PCCA: variants seen among roughly 807,000 people sequenced by gnomAD.
PCCA encodes the protein propionyl-CoA carboxylase alpha chain, mitochondrial.
A neutral mutation model predicts 101.3 loss-of-function variants in PCCA; 74 were observed. That is an observed-to-expected ratio of 0.73 (90% CI 0.61 to 0.89). The LOEUF (loss-of-function observed/expected upper bound fraction) is 0.89, where lower values mean the gene tolerates loss of function less well. Ranked by LOEUF, PCCA falls within the 40% of genes least tolerant of loss-of-function variation. The pLI, the probability that PCCA is intolerant of heterozygous loss-of-function variation, is 0.00. For synonymous variants in PCCA, 294 were observed against 313.6 expected (o/e 0.94, Z 0.66); for missense variants, 891 against 907.0 (o/e 0.98, Z 0.23).
At chr13:100,249,015 A>C (rs1486868645) in intron 8 of PCCA, among the ~76,000 whole-genome samples, 2 of 152,064 alleles carry the variant, frequency 1.3e-5, no homozygotes, top group Non-Finnish European at 2.9e-5. Flanking sequence ...CGGCCTCCCA[A>C]AGTGCTGGGA....
At chr13:100,313,936 C>CT (rs1566918449) in intron 16 of PCCA, among the ~76,000 whole-genome samples, 4 of 152,022 alleles carry the variant, frequency 2.6e-5, no homozygotes, top group Admixed American at 1.3e-4. Context: ...CCCTCGGAGT[C>CT]TTTTTTTATT....
intron 14 of PCCA, among the ~76,000 whole-genome samples, chr13:100,304,881 T>C (rs2066334143): frequency 6.6e-6 from 1 of 152,226 alleles, no homozygotes; most frequent in Non-Finnish European, 1.5e-5. Context: ...CTGAGATTTA[T>C]TAATATGGCA....
intron 12 of PCCA, among the ~76,000 whole-genome samples, chr13:100,300,259 C>G (rs2065954716): frequency 6.6e-6 from 1 of 152,166 alleles, no homozygotes; most frequent in Admixed American, 6.5e-5. Context: ...AAAATTATGT[C>G]AAAATGTCTT....
intron 20 of PCCA, among the ~76,000 whole-genome samples, chr13:100,432,025 C>G (rs778909254): frequency 2.6e-5 from 4 of 152,048 alleles, no homozygotes; most frequent in Non-Finnish European, 5.9e-5. Flanking sequence ...TGGTGAAACC[C>G]TGTCTTTACT....
rs1227568974 is a variant in PCCA at position 100,307,172 on chromosome 13, T to C, written c.1285-20T>C. The C allele has an allele frequency of 6.3e-6, 10 of 1,583,816 alleles. No individual in the cohort carries two copies. Among genetic ancestry groups the C allele is most frequent in the Middle Eastern group, 1.7e-4 (1 of 6,040 alleles). On this transcript the variant is annotated intron_variant, in intron 14 of 23. Transcript: ENST00000376285. ...CTACACAATATGAATTACTTTTCTTTTTTTCTTTTTTTCTCCCAGGTCCGA... is the reference window on the plus strand; with the variant it reads ...CTACACAATATGAATTACTTTTCTTCTTTTCTTTTTTTCTCCCAGGTCCGA...
intron 6 of PCCA, among the ~76,000 whole-genome samples, chr13:100,200,643 TA>T (rs2058422866): frequency 6.7e-6 from 1 of 150,306 alleles, no homozygotes; most frequent in African/African-American, 2.4e-5. Flanking sequence ...TATATTATAT[TA>T]ATAAAATATA....
At chr13:100,190,585 G>A (rs983079035) in intron 6 of PCCA, among the ~76,000 whole-genome samples, 5 of 152,160 alleles carry the variant, frequency 3.3e-5, no homozygotes, top group Admixed American at 2.6e-4. Flanking sequence ...TGAGGCGGGA[G>A]AACTGCTTGA....
At position 100,517,046 on chromosome 13, in the gene PCCA, C is replaced by CGTGTGTGTGTGT. The variant is rs3840814; in HGVS notation, c.2040+1512_2040+1523dup. 3.4e-3 allele frequency among the ~76,000 whole-genome samples: 452 copies of CGTGTGTGTGTGT among 133,056 alleles called. 4 individuals carry two copies. The highest frequency in any genetic ancestry group is 8.0e-3 in the East Asian group (31 of 3,878). The allele number at this position is 133,056 out of a possible 152,430, so 87.3% of individuals were successfully genotyped here. ...AATTGTGTGGCTTTAATTATAAAAT[C>CGTGTGTGTGTGT]GTGTGTGTGTGTGTGTGTGTGTGTG... On this transcript the variant is annotated intron_variant, in intron 22 of 23. Transcript: ENST00000376285.
chr13:100,328,861 T>G (rs190819881), intron 16 of PCCA, among the ~76,000 whole-genome samples: 267 of 151,708 alleles, frequency 1.8e-3, no homozygotes, highest in Admixed American at 0.016. Context: ...GCCCAGCTAA[T>G]TTTTGTATTT....
chr13:100,376,597 G>A (rs1167434202), intron 19 of PCCA, among the ~76,000 whole-genome samples: 1 of 152,182 alleles, frequency 6.6e-6, no homozygotes, highest in African/African-American at 2.4e-5. Flanking sequence ...GCTTTACCAA[G>A]CTGCCATGGC....
chr13:100,476,975 T>G (rs1221844091), intron 21 of PCCA, among the ~76,000 whole-genome samples: 4 of 152,356 alleles, frequency 2.6e-5, no homozygotes, highest in African/African-American at 9.6e-5. Flanking sequence ...AGAAATTAAT[T>G]ATCTTGCTTC....
At chr13:100,384,313 A>G (rs2152832533) in intron 19 of PCCA, among the ~76,000 whole-genome samples, 1 of 152,360 alleles carries the variant, frequency 6.6e-6, no homozygotes, top group East Asian at 1.9e-4. Context: ...GGCGTGAACC[A>G]CTGTGCCTGG....
At chr13:100,463,316 T>C (rs192240766) in intron 21 of PCCA, among the ~76,000 whole-genome samples, 117 of 146,608 alleles carry the variant, frequency 8.0e-4, no homozygotes, top group Non-Finnish European at 1.0e-3. Flanking sequence ...TCATCAGAGG[T>C]GGTTGGTTTT....
At chr13:100,089,298 G>T (rs1054911426) in intron 1 of PCCA, 73 bp downstream of exon 1, 1 of 1,343,272 alleles carries the variant, frequency 7.4e-7, no homozygotes, top group Non-Finnish European at 9.5e-7. Context: ...GGCGGCTGGC[G>T]CCGGGAGAGC....
chr13:100,245,997 G>A (rs2061406668), intron 8 of PCCA, among the ~76,000 whole-genome samples: 1 of 152,224 alleles, frequency 6.6e-6, no homozygotes, highest in Non-Finnish European at 1.5e-5. Flanking sequence ...AATTTAGAGA[G>A]CTGTGAATAT....
At position 100,394,135 on chromosome 13, in the gene PCCA, G is replaced by T. The variant is rs778176571; in HGVS notation, c.1746+25561G>T. ...TGCTTTCCTTTGAAATGTGTGAGGCGGTTTGAGATGCAGCTTCTCAGATGG... is the reference window on the plus strand; with the variant it reads ...TGCTTTCCTTTGAAATGTGTGAGGCTGTTTGAGATGCAGCTTCTCAGATGG... On this transcript the variant is annotated intron_variant, in intron 19 of 23. Transcript: ENST00000376285. The surrounding 1 kb of genome is among the most constrained non-coding windows in gnomAD (Gnocchi z 4.3). 6.6e-6 allele frequency among the ~76,000 whole-genome samples: 1 copy of T among 152,146 alleles called. No homozygotes were observed. The highest frequency in any genetic ancestry group is 2.4e-5 in the African/African-American group (1 of 41,430).
chr13:100,385,561 C>T (rs745615440), intron 19 of PCCA, among the ~76,000 whole-genome samples: 9 of 152,174 alleles, frequency 5.9e-5, no homozygotes, highest in Admixed American at 2.0e-4. Flanking sequence ...TGATGAGATA[C>T]GATTTTCCAT....
At chr13:100,405,944 T>C (rs192576659) in intron 19 of PCCA, among the ~76,000 whole-genome samples, 3 of 152,046 alleles carry the variant, frequency 2.0e-5, no homozygotes, top group Non-Finnish European at 4.4e-5. Flanking sequence ...TTTTTGTACT[T>C]TTAGTAGAGA....
intron 18 of PCCA, among the ~76,000 whole-genome samples, chr13:100,352,166 T>C (rs9554680): frequency 0.71 from 108,016 of 151,948 alleles, 38,778 homozygotes; most frequent in Middle Eastern, 0.81. Context: ...TCCTACCTGA[T>C]GGGTAATTAA....
Sources: gnomAD v4.1 joint callset for allele counts (sites outside exome capture counted in the v4.1 genomes callset) on GRCh38, gnomAD v4.1.1 for gene constraint, Gnocchi (gnomAD v3.1) non-coding constraint, MANE v1.5 for transcripts, NCBI Gene and HGNC (gene_info 2026-07-23, HGNC 2026-07-21) for gene names.